The following LSS variants were observed in gnomAD, a reference collection of about 807,000 sequenced individuals.
The protein encoded by LSS is lanosterol synthase.
LSS carries 90 observed loss-of-function variants against 110.3 expected under a neutral mutation model. The ratio of observed to expected loss-of-function variants is 0.82; its 90% CI spans 0.69 to 0.97. The LOEUF is 0.97. Ranked by LOEUF, LSS falls within the 50% of genes least tolerant of loss-of-function variation. LSS has a pLI of 0.00. For missense variants in LSS, 927 were observed against 990.0 expected (o/e 0.94, Z 0.85); for synonymous variants, 433 against 400.0 (o/e 1.08, Z -0.98).
intron 2 of LSS, among the ~76,000 whole-genome samples, 175 bp downstream of exon 2, chr21:46,228,259 A>G (rs776821058): frequency 1.1e-4 from 17 of 152,280 alleles, no homozygotes; most frequent in Non-Finnish European, 2.4e-4. Flanking sequence ...TGCGTGGTTT[A>G]GAGATGAAGG....
At chr21:46,195,812 G>A in intron 18 of LSS, 56 bp from the exon 19 acceptor site, 1 of 1,403,210 alleles carries the variant, frequency 7.1e-7, no homozygotes, top group Non-Finnish European at 1.0e-6. Context: ...GCCGGTGTGT[G>A]AAACAACACG....
intron 6 of LSS, among the ~76,000 whole-genome samples, chr21:46,217,059 C>G (rs2080215994): frequency 1.3e-5 from 2 of 151,940 alleles, no homozygotes; most frequent in Admixed American, 6.6e-5. Flanking sequence ...CCAGCCTGAC[C>G]AACATGGCGA....
Position 46,228,738 on chromosome 21 carries a change from T to C in LSS, c.8A>G (p.Glu3Gly), listed in dbSNP as rs2080392207. MT[E>G]GTCLRRRGGP... ...CCGGGGCGAGGGGACTCACGTGCCC[T>C]CCGTCATTGCTGCTGCAGTGCTCTA... The change falls in exon 1 of 22, where the codon GAG (glutamate) becomes GGG (glycine). Residue 3 changes from glutamate (E) to glycine (G), a missense_variant. Transcript: ENST00000397728. 1 of 1,599,404 alleles carries C rather than the reference T, an allele frequency of 6.3e-7. No homozygotes were observed. Among genetic ancestry groups the C allele is most frequent in the Non-Finnish European group, 8.5e-7 (1 of 1,178,414 alleles).
chr21:46,192,509 T>C (rs2079831666), intron 20 of LSS: 1 of 455,652 alleles, frequency 2.2e-6, no homozygotes, highest in Non-Finnish European at 4.4e-6. Flanking sequence ...ATGTTGCGGG[T>C]GCATCTGTAT....
intron 11 of LSS, 121 bp downstream of exon 11, chr21:46,212,904 T>C: frequency 3.3e-6 from 4 of 1,228,610 alleles, no homozygotes; most frequent in Non-Finnish European, 4.7e-6. Flanking sequence ...TGACTCAGCC[T>C]CTAGTCGCAC....
intron 5 of LSS, among the ~76,000 whole-genome samples, chr21:46,220,755 ATGGAGAGGTAGCCAGGGGCT>A (rs1334473055): frequency 6.6e-5 from 9 of 135,850 alleles, no homozygotes; most frequent in South Asian, 2.4e-4. Context: ...CAGGCCGGGC[ATGGAGAGGTAGCCAGGGGCT>A]TGGAGAGGTA....
chr21:46,188,988 T>C lies in LSS; in HGVS notation c.*2116A>G. On this transcript the variant is annotated 3_prime_UTR_variant, in exon 22 of 22. Transcript: ENST00000397728. ...CCCTCAGGTAACTGGAGACGCACCC[T>C]GCTACTCCTCACGTCACTCTTGTTC... The C allele has an allele frequency of 2.8e-6, 1 of 351,918 alleles. No homozygotes were observed. 21.8% of individuals were successfully genotyped at this position (351,918 alleles called of 1,614,324 possible). A position where few individuals can be genotyped will look rare whatever the true frequency, so the allele number is the denominator to read the frequency against.
At chr21:46,208,347 A>G in intron 13 of LSS, 46 bp from the exon 14 acceptor site, 2 of 1,483,384 alleles carry the variant, frequency 1.3e-6, no homozygotes, top group South Asian at 2.4e-5. Flanking sequence ...ACACGTCACC[A>G]CGGGACGTCC....
chr21:46,193,072 G>A (rs561628345), intron 20 of LSS: 8,164 of 435,712 alleles, frequency 0.019, 101 homozygotes, highest in Middle Eastern at 0.036. Context: ...GTCTGTGTGT[G>A]GCACAGATGG....
At chr21:46,202,391 C>A in intron 17 of LSS, among the ~76,000 whole-genome samples, 1 of 136,546 alleles carries the variant, frequency 7.3e-6, no homozygotes. Context: ...GAGACTCCGT[C>A]TCAAAAAAAA....
Position 46,215,304 on chromosome 21 carries a change from G to T in LSS, c.893-6C>A. On this transcript the variant is annotated splice_region_variant and splice_polypyrimidine_tract_variant and intron_variant, in intron 8 of 21. Transcript: ENST00000397728. ...CTCATACAGGTTGAGGAGCGCTACA[G>T]GGGACAGGGGTCAGTGGATGCCAGA... is the stretch of plus-strand genomic sequence containing the variant. The T allele has an allele frequency of 6.3e-7, 1 of 1,586,620 alleles. No homozygotes were observed. Among genetic ancestry groups the T allele is most frequent in the Non-Finnish European group, 8.6e-7 (1 of 1,162,330 alleles).
chr21:46,191,051 AC>A lies in LSS; in HGVS notation c.*52del. 6.2e-7 allele frequency: 1 copy of A among 1,606,836 alleles called. No individual in the cohort carries two copies. The highest frequency in any genetic ancestry group is 8.5e-7 in the Non-Finnish European group (1 of 1,175,292). ...GGGAGGGCTCCCCAACCCGGCCAGG[AC>A]CCCTTGGCCTCACTGGAACGCACAG... On this transcript the variant is annotated 3_prime_UTR_variant, in exon 22 of 22. Transcript: ENST00000397728.
intron 17 of LSS, among the ~76,000 whole-genome samples, chr21:46,199,484 C>T (rs889408284): frequency 6.6e-6 from 1 of 152,190 alleles, no homozygotes; most frequent in Non-Finnish European, 1.5e-5. Context: ...ACACTCTTAC[C>T]ATAGGATCCC....
At chr21:46,225,788 G>C (rs1206536112) in intron 3 of LSS, among the ~76,000 whole-genome samples, 3 of 152,160 alleles carry the variant, frequency 2.0e-5, no homozygotes, top group Non-Finnish European at 2.9e-5. Flanking sequence ...TGACCCATGT[G>C]ACCTTACCTA....
At position 46,191,036 on chromosome 21, in the gene LSS, C is replaced by T. The variant is rs1179456461; in HGVS notation, c.*68G>A. ...CCAAGACAGGGTTATGGGAGGGCTC[C>T]CCAACCCGGCCAGGACCCCTTGGCC... On this transcript the variant is annotated 3_prime_UTR_variant, in exon 22 of 22. Coordinates refer to ENST00000397728, the MANE Select transcript of LSS (RefSeq NM_002340.6). The T allele has an allele frequency of 1.9e-6, 3 of 1,593,492 alleles. No individual in the cohort carries two copies. Among genetic ancestry groups the T allele is most frequent in the Non-Finnish European group, 2.6e-6 (3 of 1,167,132 alleles).
At chr21:46,219,765 G>T (rs185262078) in intron 5 of LSS, among the ~76,000 whole-genome samples, 193 bp from the exon 6 acceptor site, 139 of 152,278 alleles carry the variant, frequency 9.1e-4, no homozygotes, top group Non-Finnish European at 1.8e-3. Flanking sequence ...CTGGATACAC[G>T]GCCCCCTAGG....
intron 6 of LSS, among the ~76,000 whole-genome samples, chr21:46,218,793 T>G (rs1458865300): frequency 1.3e-5 from 2 of 150,626 alleles, no homozygotes; most frequent in African/African-American, 2.4e-5. Context: ...TGGCACGATC[T>G]CGGCTCACGG....
intron 12 of LSS, 89 bp downstream of exon 12, chr21:46,210,599 T>A (rs2080116334): frequency 7.9e-7 from 1 of 1,260,394 alleles, no homozygotes; most frequent in African/African-American, 1.5e-5. Flanking sequence ...GGCAAGTGTG[T>A]GGCCAGCAGT....
In LSS at chr21:46,213,780, G is replaced by A. The variant is rs2080164666; in HGVS notation, c.1067C>T (p.Thr356Ile). The A allele has an allele frequency of 1.2e-6, 2 of 1,614,004 alleles. No homozygotes were observed. Among genetic ancestry groups the A allele is most frequent in the Non-Finnish European group, 1.7e-6 (2 of 1,180,020 alleles). ...VRWYVDGPAS[T>I]AFQEHVSRIP... Reference sequence around the variant, plus strand: ...TCTGGAGACATGCTCCTGGAAGGCAGTGGAGGCGGGCCCGTCCACATACCA... The same window carrying A: ...TCTGGAGACATGCTCCTGGAAGGCAATGGAGGCGGGCCCGTCCACATACCA... The change falls in exon 10 of 22, where the codon ACT becomes ATT. Residue 356 changes from threonine to isoleucine, a missense_variant. Thr to Ile is a moderately conservative substitution (Grantham distance 89). Coordinates refer to ENST00000397728, the MANE Select transcript of LSS (RefSeq NM_002340.6).
Sources: allele counts gnomAD v4.1 joint callset (sites outside exome capture counted in the v4.1 genomes callset), GRCh38; gene constraint gnomAD v4.1.1; transcripts MANE v1.5; gene names NCBI Gene and HGNC (gene_info 2026-07-23, HGNC 2026-07-21).